Variants in AKT2 observed in about 807,000 individuals in gnomAD.
The protein encoded by AKT2 is AKT serine/threonine kinase 2, also known as RAC-beta serine/threonine-protein kinase.
A neutral mutation model predicts 58.6 loss-of-function variants in AKT2; 16 were observed. The ratio of observed to expected loss-of-function variants is 0.27; its 90% CI spans 0.18 to 0.41. AKT2 has a LOEUF of 0.41. AKT2 is among the 10% of genes least tolerant of loss of function. AKT2 has a pLI of 1.00. For synonymous variants in AKT2, 253 were observed against 254.0 expected (o/e 1.00, Z 0.04); for missense variants, 438 against 661.0 (o/e 0.66, Z 3.70).
intron 2 of AKT2, among the ~76,000 whole-genome samples, chr19:40,263,751 G>C (rs1976133920): frequency 6.6e-6 from 1 of 152,178 alleles, no homozygotes; most frequent in South Asian, 2.1e-4. Context: ...CTGCAGGCTG[G>C]TACAGTGCAG....
chr19:40,279,024 C>A (rs563784734), intron 1 of AKT2: 1 of 152,328 alleles, frequency 6.6e-6, no homozygotes, highest in Non-Finnish European at 1.5e-5. Context: ...GAGAAGAGAA[C>A]CGGGGAGCGG....
chr19:40,254,527 CAA>C (rs746776836), intron 4 of AKT2, among the ~76,000 whole-genome samples: 22 of 125,406 alleles, frequency 1.8e-4, no homozygotes, highest in Non-Finnish European at 2.0e-4. Flanking sequence ...GACTCTGTCT[CAA>C]AAAAAAAAAA....
chr19:40,247,433 T>C (rs753846049), intron 4 of AKT2, among the ~76,000 whole-genome samples: 47 of 152,264 alleles, frequency 3.1e-4, no homozygotes, highest in South Asian at 1.2e-3. Context: ...ACAGCAGGGA[T>C]GTGGCAGAGC....
At chr19:40,275,714 T>G (rs946458834) in intron 1 of AKT2, among the ~76,000 whole-genome samples, 2 of 139,402 alleles carry the variant, frequency 1.4e-5, no homozygotes, top group African/African-American at 5.4e-5. Context: ...AAGCCATATG[T>G]GAGTCCGGGC....
Position 40,236,399 on chromosome 19 carries a change from C to CG in AKT2, c.832-15_832-14insC. ...GAGGTTTTCCAGCTGTTGGAAAAGT[C>CG]AACGGATCTCAGGTGCATGCTCCCA... On this transcript the variant is annotated splice_polypyrimidine_tract_variant and intron_variant, in intron 9 of 13. Coordinates refer to ENST00000392038, the MANE Select transcript of AKT2 (RefSeq NM_001626.6). 1 of 1,614,054 alleles carries CG rather than the reference C, an allele frequency of 6.2e-7. No individual in the cohort carries two copies. The highest frequency in any genetic ancestry group is 8.5e-7 in the Non-Finnish European group (1 of 1,180,026).
intron 2 of AKT2, among the ~76,000 whole-genome samples, chr19:40,265,012 T>C (rs1038792114): frequency 5.3e-5 from 8 of 152,194 alleles, no homozygotes; most frequent in Non-Finnish European, 7.3e-5. Context: ...ATGAATGAGA[T>C]CACTCATGCA....
chr19:40,278,678 C>G (rs1181565394), intron 1 of AKT2, among the ~76,000 whole-genome samples: 1 of 152,044 alleles, frequency 6.6e-6, no homozygotes, highest in Non-Finnish European at 1.5e-5. Context: ...CTTCTGTGCT[C>G]TCAGGTGCCC....
chr19:40,273,987 C>T (rs1248696661), intron 1 of AKT2, among the ~76,000 whole-genome samples: 1 of 152,166 alleles, frequency 6.6e-6, no homozygotes. Flanking sequence ...CTCCCCTTCT[C>T]CTGGCCCCAT....
chr19:40,283,691 T>C (rs2077463780), intron 1 of AKT2, among the ~76,000 whole-genome samples: 1 of 152,062 alleles, frequency 6.6e-6, no homozygotes, highest in African/African-American at 2.4e-5. Flanking sequence ...GGCTGGCTGC[T>C]CCCAGCACCA....
Position 40,237,362 on chromosome 19 carries a change from A to T in AKT2, c.831+607T>A, listed in dbSNP as rs4803321. 13 of 155,094 alleles carry T rather than the reference A, an allele frequency of 8.4e-5. No homozygotes were observed. Among genetic ancestry groups the T allele is most frequent in the African/African-American group, 2.9e-4 (12 of 41,456 alleles). The allele number at this position is 155,094 out of a possible 1,614,324, so 9.6% of individuals were successfully genotyped here. A position where few individuals can be genotyped will look rare whatever the true frequency, so the allele number is the denominator to read the frequency against. ...GGACACTGCCAAACTATCTTCTAAA[A>T]TTGGCCGGGCGCGGGGGCTCATGCC... On this transcript the variant is annotated intron_variant, in intron 9 of 13. Coordinates refer to ENST00000392038, the MANE Select transcript of AKT2 (RefSeq NM_001626.6). The surrounding 1 kb of genome is among the most constrained non-coding windows in gnomAD (Gnocchi z 4.5).
At chr19:40,241,724 C>A (rs375857343) in intron 6 of AKT2, 5 of 698,626 alleles carry the variant, frequency 7.2e-6, no homozygotes, top group East Asian at 3.0e-5. Flanking sequence ...CACAGGCACC[C>A]CCAGCCCCTA....
chr19:40,272,391 C>T (rs766347208), intron 1 of AKT2, among the ~76,000 whole-genome samples: 9 of 152,172 alleles, frequency 5.9e-5, no homozygotes, highest in Non-Finnish European at 1.2e-4. Flanking sequence ...CACGTGGAGA[C>T]GGTCTGGCCA....
chr19:40,234,539 C>T lies in AKT2; in HGVS notation c.1366+506G>A, dbSNP rs755936480. 2.2e-5 allele frequency: 7 copies of T among 314,680 alleles called. No homozygotes were observed. The highest frequency in any genetic ancestry group is 4.3e-5 in the African/African-American group (2 of 46,900). 19.5% of individuals were successfully genotyped at this position (314,680 alleles called of 1,614,324 possible). ...ACGTCATTCCTCCGGCCAGCTGACA[C>T]GTTTGCTTCCTCCTCTAGAAAGCCC... On this transcript the variant is annotated intron_variant, in intron 13 of 13. Transcript: ENST00000392038. This position sits in a 1 kb window ranked among gnomAD's most constrained non-coding sequence, Gnocchi z 4.7.
In AKT2 at chr19:40,233,608, CTCCAACCG is replaced by C. The variant is rs1426158921; in HGVS notation, c.*256_*263del. ...GGCTTGTGTGGATTAAAACCTGAAT[CTCCAACCG>C]CCCAACAGCCCAGGCCTGGGCGGGA... On this transcript the variant is annotated 3_prime_UTR_variant, in exon 14 of 14. Transcript: ENST00000392038. The surrounding 1 kb of genome is among the most constrained non-coding windows in gnomAD (Gnocchi z 4.3). 1 of 736,082 alleles carries C rather than the reference CTCCAACCG, an allele frequency of 1.4e-6. No individual in the cohort carries two copies. The highest frequency in any genetic ancestry group is 1.7e-5 in the Admixed American group (1 of 57,914). 45.6% of individuals were successfully genotyped at this position (736,082 alleles called of 1,614,324 possible).
chr19:40,246,217 A>C (rs1974744687), intron 4 of AKT2, among the ~76,000 whole-genome samples: 1 of 151,752 alleles, frequency 6.6e-6, no homozygotes, highest in African/African-American at 2.4e-5. Context: ...GCTGGAGTGC[A>C]GTGGCTCCCA....
chr19:40,276,326 C>T (rs183205285), intron 1 of AKT2, among the ~76,000 whole-genome samples: 25 of 144,262 alleles, frequency 1.7e-4, no homozygotes, highest in East Asian at 1.7e-3. Flanking sequence ...CCTCAGCTTC[C>T]GCATCTGTAA....
intron 4 of AKT2, among the ~76,000 whole-genome samples, chr19:40,250,301 G>A (rs146871456): frequency 2.4e-3 from 363 of 151,266 alleles, no homozygotes; most frequent in African/African-American, 8.0e-3. Context: ...TCAGGAGTTC[G>A]AGACCAGCCT....
At position 40,238,194 on chromosome 19, in the gene AKT2, T is replaced by G; in HGVS notation, c.709-103A>C. On this transcript the variant is annotated intron_variant, in intron 8 of 13. Coordinates refer to ENST00000392038, the MANE Select transcript of AKT2 (RefSeq NM_001626.6). This position sits in a 1 kb window ranked among gnomAD's most constrained non-coding sequence, Gnocchi z 5.1. Reference sequence around the variant, plus strand: ...CAGCGCAGTGATGTGGTGACACCTGTATCATGAACCAGCAAGTGACAGCTA... The same window carrying G: ...CAGCGCAGTGATGTGGTGACACCTGGATCATGAACCAGCAAGTGACAGCTA... 2.8e-6 allele frequency: 4 copies of G among 1,441,360 alleles called. No individual in the cohort carries two copies. The highest frequency in any genetic ancestry group is 3.8e-6 in the Non-Finnish European group (4 of 1,060,646). 89.3% of individuals were successfully genotyped at this position (1,441,360 alleles called of 1,614,324 possible).
In AKT2 at chr19:40,231,277, C is replaced by T. The variant is rs148003140; in HGVS notation, c.*2595G>A. On this transcript the variant is annotated 3_prime_UTR_variant, in exon 14 of 14. Transcript: ENST00000392038. ...GGTAGCCAGGCCTGTGCCCACACTA[C>T]GAGACCTGCATCACCATGGTGTGAG... 5.6e-5 allele frequency: 13 copies of T among 232,288 alleles called. No individual in the cohort carries two copies. The highest frequency in any genetic ancestry group is 1.7e-4 in the Admixed American group (3 of 17,754). The allele number at this position is 232,288 out of a possible 1,614,324, so 14.4% of individuals were successfully genotyped here.
Sources: allele counts gnomAD v4.1 joint callset (sites outside exome capture counted in the v4.1 genomes callset), GRCh38; gene constraint gnomAD v4.1.1; non-coding constraint Gnocchi (gnomAD v3.1); transcripts MANE v1.5; gene names NCBI Gene and HGNC (gene_info 2026-07-23, HGNC 2026-07-21).